TNRC6B: variants seen among roughly 807,000 people sequenced by gnomAD.
The protein encoded by TNRC6B is trinucleotide repeat containing adaptor 6B, also known as trinucleotide repeat-containing gene 6B protein.
In TNRC6B, 52 loss-of-function variants were observed where a neutral mutation model predicts 203.6. That is an observed-to-expected ratio of 0.26 (90% CI 0.20 to 0.32). The LOEUF (loss-of-function observed/expected upper bound fraction) is 0.32. Ranked by LOEUF, TNRC6B falls within the 10% of genes least tolerant of loss-of-function variation. TNRC6B has a pLI of 1.00. For synonymous variants in TNRC6B, 838 were observed against 845.7 expected, an observed-to-expected ratio of 0.99 and a Z score of 0.16; for missense variants, 1,923 against 2,286.2, an observed-to-expected ratio of 0.84 and a Z score of 3.24.
intron 4 of TNRC6B, among the ~76,000 whole-genome samples, chr22:40,160,253 G>A (rs957752436): frequency 1.7e-4 from 26 of 152,186 alleles, no homozygotes; most frequent in African/African-American, 5.3e-4. Context: ...GAGGCAGGCG[G>A]ATCACCTGAG....
At chr22:40,234,311 T>C (rs2069919750) in intron 1 of TNRC6B, among the ~76,000 whole-genome samples, 1 of 152,000 alleles carries the variant, frequency 6.6e-6, no homozygotes, top group African/African-American at 2.4e-5. Flanking sequence ...TTCACTAAGG[T>C]TATACTGTAA....
intron 10 of TNRC6B, among the ~76,000 whole-genome samples, chr22:40,280,797 G>T (rs2070713007): frequency 6.6e-6 from 1 of 152,164 alleles, no homozygotes; most frequent in Non-Finnish European, 1.5e-5. Flanking sequence ...GATTGGCCTG[G>T]CTTCTGTTTC....
chr22:40,073,569 A>G (rs1254833250), intron 1 of TNRC6B, among the ~76,000 whole-genome samples: 3 of 152,080 alleles, frequency 2.0e-5, no homozygotes, highest in African/African-American at 7.2e-5. Context: ...ATACTGGTCA[A>G]TGAAGGGAAA....
intron 19 of TNRC6B, among the ~76,000 whole-genome samples, 191 bp downstream of exon 19, chr22:40,313,188 G>A (rs2071210097): frequency 6.6e-6 from 1 of 152,196 alleles, no homozygotes; most frequent in African/African-American, 2.4e-5. Flanking sequence ...GGAAGGATGA[G>A]CCAGATACAG....
In TNRC6B at chr22:40,318,504, G is replaced by A. The variant is rs1252022856; in HGVS notation, c.4974+2492G>A. 3.9e-5 allele frequency among the ~76,000 whole-genome samples: 6 copies of A among 151,916 alleles called. No homozygotes were observed. The East Asian group carries it at 7.7e-4, about 20-fold the overall frequency. On this transcript the variant is annotated intron_variant, in intron 21 of 22. Coordinates refer to ENST00000454349, the MANE Select transcript of TNRC6B (RefSeq NM_001162501.2). ...GGAGCTTGGAGTGAGCCGAGATTGC[G>A]CCACTGCACTCCAGCCTGGGAGACA...
chr22:40,181,077 G>T (rs945916209), intron 1 of TNRC6B, among the ~76,000 whole-genome samples: 2 of 152,182 alleles, frequency 1.3e-5, no homozygotes, highest in Non-Finnish European at 2.9e-5. Context: ...TCCCAGAAAG[G>T]AAGCTTTGGC....
chr22:40,268,059 G>T (rs1234547380), intron 5 of TNRC6B, among the ~76,000 whole-genome samples: 1 of 152,126 alleles, frequency 6.6e-6, no homozygotes, highest in Non-Finnish European at 1.5e-5. Flanking sequence ...GCACCTTTCA[G>T]TCTTTTTTTA....
At chr22:40,202,249 G>GTTTTTTTGTTT (rs143015913) in intron 1 of TNRC6B, among the ~76,000 whole-genome samples, 12 of 142,236 alleles carry the variant, frequency 8.4e-5, no homozygotes, top group African/African-American at 2.6e-4. Context: ...ATGTGTTGTT[G>GTTTTTTTGTTT]TTGTTTTTTT....
In TNRC6B at chr22:40,164,407, A is replaced by G. The variant is rs1044138243; in HGVS notation, c.113+8225A>G. On this transcript the variant is annotated intron_variant, in intron 4 of 23. Coordinates refer to the TNRC6B transcript ENST00000301923. ...TGCCTTTAAAAAAAAAAAAAAAAAAAGGGCATTGTTAACATGTTAACATGT... is the reference window on the plus strand; with the variant it reads ...TGCCTTTAAAAAAAAAAAAAAAAAAGGGGCATTGTTAACATGTTAACATGT... Among the ~76,000 whole-genome samples the G allele has an allele frequency of 2.8e-3, 383 of 135,870 alleles. 2 individuals are homozygous for G. The highest frequency in any genetic ancestry group is 0.01 in the African/African-American group (365 of 35,496). 89.1% of individuals were successfully genotyped at this position (135,870 alleles called of 152,430 possible). A position where few individuals can be genotyped will look rare whatever the true frequency, so the allele number is the denominator to read the frequency against.
intron 3 of TNRC6B, among the ~76,000 whole-genome samples, chr22:40,132,969 A>AAAAATATATATATATATATATATAT (rs1282694632): frequency 1.3e-5 from 1 of 78,190 alleles, no homozygotes; most frequent in Admixed American, 1.9e-4. Context: ...AAAAAAAAAA[A>AAAAATATATATATATATATATATAT]ATATATATAT....
At chr22:40,182,637 T>G (rs1179772730) in intron 1 of TNRC6B, among the ~76,000 whole-genome samples, 4 of 152,254 alleles carry the variant, frequency 2.6e-5, no homozygotes, top group Non-Finnish European at 5.9e-5. Context: ...CCCATTGCCT[T>G]CAATAGTTTG....
intron 1 of TNRC6B, among the ~76,000 whole-genome samples, chr22:40,115,609 G>A (rs2068380286): frequency 1.3e-5 from 2 of 152,104 alleles, no homozygotes; most frequent in African/African-American, 4.8e-5. Flanking sequence ...CTATCAAGGA[G>A]CTCCTGCTGA....
At chr22:40,222,728 C>CTT (rs61374373) in intron 1 of TNRC6B, among the ~76,000 whole-genome samples, 408 of 40,202 alleles carry the variant, frequency 0.01, 64 homozygotes, top group African/African-American at 0.019. Context: ...CTCTCTCTCT[C>CTT]TTTTTTTTTT....
intron 12 of TNRC6B, among the ~76,000 whole-genome samples, chr22:40,290,256 C>T (rs889004976): frequency 1.1e-4 from 16 of 152,234 alleles, no homozygotes; most frequent in African/African-American, 3.1e-4. Context: ...TAAATAGCCA[C>T]GTCTGGTTCA....
At chr22:40,099,917 A>T (rs1019973053) in intron 1 of TNRC6B, among the ~76,000 whole-genome samples, 2 of 151,748 alleles carry the variant, frequency 1.3e-5, no homozygotes, top group African/African-American at 4.8e-5. Flanking sequence ...TGCCTGGCTA[A>T]TTTTTTTGTA....
chr22:40,250,549 T>G (rs1452404278), intron 2 of TNRC6B, among the ~76,000 whole-genome samples: 3 of 152,208 alleles, frequency 2.0e-5, no homozygotes, highest in African/African-American at 4.8e-5. Context: ...TTTATATAAG[T>G]GTTGATAATA....
intron 12 of TNRC6B, among the ~76,000 whole-genome samples, chr22:40,298,643 T>C (rs2070977751): frequency 6.6e-6 from 1 of 152,222 alleles, no homozygotes; most frequent in Admixed American, 6.5e-5. Flanking sequence ...AAAGGCTAAA[T>C]GAGTAACTTG....
intron 4 of TNRC6B, among the ~76,000 whole-genome samples, chr22:40,263,579 C>A (rs540905052): frequency 1.3e-5 from 2 of 152,070 alleles, no homozygotes; most frequent in African/African-American, 2.4e-5. Context: ...TCTATGCCTC[C>A]GTATAATACT....
chr22:40,218,859 T>G (rs1474423847), intron 1 of TNRC6B, among the ~76,000 whole-genome samples: 1 of 152,170 alleles, frequency 6.6e-6, no homozygotes, highest in Non-Finnish European at 1.5e-5. Context: ...CACGTGAATG[T>G]CGAGCTTTTA....
Sources: gnomAD v4.1 joint callset for allele counts (sites outside exome capture counted in the v4.1 genomes callset) on GRCh38, gnomAD v4.1.1 for gene constraint, MANE v1.5 for transcripts, NCBI Gene and HGNC (gene_info 2026-07-23, HGNC 2026-07-21) for gene names.